Variants in LINGO2 observed in about 807,000 individuals in gnomAD.
LINGO2 encodes the protein leucine rich repeat and Ig domain containing 2, also known as leucine-rich repeat and immunoglobulin-like domain-containing nogo receptor-interacting protein 2.
A neutral mutation model predicts 30.6 loss-of-function variants in LINGO2; 14 were observed. The observed-to-expected ratio is 0.46, with a 90% CI of 0.30 to 0.72. LINGO2 has a LOEUF of 0.72. Among genes scored for constraint, LINGO2 ranks in the 30% least tolerant of loss-of-function variants. LINGO2 has a pLI of 0.07. For missense variants in LINGO2, 729 were observed against 751.7 expected (o/e 0.97, Z 0.35); for synonymous variants, 317 against 288.5 (o/e 1.10, Z -1.00).
chr9:28,052,385 A>G (rs1824717342), intron 4 of LINGO2, among the ~76,000 whole-genome samples: 1 of 152,100 alleles, frequency 6.6e-6, no homozygotes, highest in African/African-American at 2.4e-5. Context: ...CACATTGCTC[A>G]CACCTTGTGG....
At chr9:28,657,336 T>C (rs1239664961) in intron 1 of LINGO2, among the ~76,000 whole-genome samples, 1 of 152,110 alleles carries the variant, frequency 6.6e-6, no homozygotes, top group African/African-American at 2.4e-5. Flanking sequence ...TAATTTTACA[T>C]CAAATGATTC....
chr9:28,638,799 T>C (rs1827420862), intron 1 of LINGO2, among the ~76,000 whole-genome samples: 1 of 152,110 alleles, frequency 6.6e-6, no homozygotes, highest in African/African-American at 2.4e-5. Context: ...TTTTGAAGGG[T>C]TTTTTGTATC....
At chr9:28,300,237 C>T (rs1330081825) in intron 3 of LINGO2, among the ~76,000 whole-genome samples, 2 of 151,604 alleles carry the variant, frequency 1.3e-5, no homozygotes, top group Admixed American at 1.3e-4. Flanking sequence ...TGCTGATGAA[C>T]ATTTTGTATG....
intron 3 of LINGO2, among the ~76,000 whole-genome samples, chr9:28,332,477 A>G (rs1825456366): frequency 6.6e-6 from 1 of 152,090 alleles, no homozygotes; most frequent in East Asian, 1.9e-4. Context: ...AGAGGCACAC[A>G]TATTTTGTGG....
intron 4 of LINGO2, among the ~76,000 whole-genome samples, chr9:28,152,397 TCTC>T (rs948093579): frequency 1.3e-5 from 2 of 152,036 alleles, no homozygotes; most frequent in African/African-American, 4.8e-5. Context: ...ACACTGAGGC[TCTC>T]CTCAGTTGCA....
At chr9:28,399,955 G>T (rs936172686) in intron 2 of LINGO2, among the ~76,000 whole-genome samples, 2 of 152,128 alleles carry the variant, frequency 1.3e-5, no homozygotes, top group Non-Finnish European at 1.5e-5. Flanking sequence ...TTGAAGTAGT[G>T]CTTAGTTTAT....
At chr9:28,569,114 T>C (rs1483390894) in intron 1 of LINGO2, among the ~76,000 whole-genome samples, 1 of 152,020 alleles carries the variant, frequency 6.6e-6, no homozygotes, top group Non-Finnish European at 1.5e-5. Flanking sequence ...AGAATGGCTA[T>C]TATCAGAAAG....
chr9:28,652,968 G>A (rs78993498), intron 1 of LINGO2, among the ~76,000 whole-genome samples: 2 of 151,898 alleles, frequency 1.3e-5, no homozygotes, highest in African/African-American at 4.8e-5. Context: ...TGATAGTAAG[G>A]ATATAGCTGA....
At chr9:28,217,543 A>G (rs1420057282) in intron 4 of LINGO2, among the ~76,000 whole-genome samples, 1 of 152,082 alleles carries the variant, frequency 6.6e-6, no homozygotes, top group African/African-American at 2.4e-5. Context: ...ACCATAGAAA[A>G]GACACTTTTT....
At chr9:28,195,880 A>G (rs923120827) in intron 4 of LINGO2, among the ~76,000 whole-genome samples, 2 of 151,944 alleles carry the variant, frequency 1.3e-5, no homozygotes, top group African/African-American at 4.8e-5. Flanking sequence ...TATTGTATCA[A>G]TGTAAAGGTT....
intron 3 of LINGO2, among the ~76,000 whole-genome samples, chr9:28,335,912 C>T (rs1404656940): frequency 5.3e-5 from 8 of 151,968 alleles, no homozygotes; most frequent in African/African-American, 7.2e-5. Context: ...TCCAGGTTTT[C>T]GTGCTAACAT....
At chr9:28,779,073 A>G in the LINGO2 span, among the ~76,000 whole-genome samples, 1 of 152,178 alleles carries the variant, frequency 6.6e-6, no homozygotes, top group East Asian at 1.9e-4. Context: ...TGTGCTTTAA[A>G]ACTTACAAAT....
chr9:29,039,884 T>C, the LINGO2 span, among the ~76,000 whole-genome samples: 11 of 152,126 alleles, frequency 7.2e-5, no homozygotes, highest in Non-Finnish European at 1.5e-4. Context: ...ATAGTAATTA[T>C]TGGCAGTTAC....
At chr9:28,377,410 C>T (rs1052008721) in intron 2 of LINGO2, among the ~76,000 whole-genome samples, 8 of 152,138 alleles carry the variant, frequency 5.3e-5, no homozygotes, top group Non-Finnish European at 8.8e-5. Context: ...AAAAATACAG[C>T]ATACAATACA....
At chr9:28,616,760 G>A (rs774338206) in intron 1 of LINGO2, among the ~76,000 whole-genome samples, 1 of 152,154 alleles carries the variant, frequency 6.6e-6, no homozygotes, top group African/African-American at 2.4e-5. Flanking sequence ...CAGAAACAAA[G>A]AATGAAATTA....
chr9:28,045,156 C>G (rs545773467), intron 4 of LINGO2, among the ~76,000 whole-genome samples: 1 of 152,020 alleles, frequency 6.6e-6, no homozygotes, highest in South Asian at 2.1e-4. Context: ...GGTCCATTCC[C>G]ACCACTACCC....
At chr9:27,981,770 G>C in intron 5 of LINGO2, among the ~76,000 whole-genome samples, 1 of 151,554 alleles carries the variant, frequency 6.6e-6, no homozygotes, top group Non-Finnish European at 1.5e-5. Context: ...TGACCCTAAA[G>C]CCTTCTGAGA....
the LINGO2 span, among the ~76,000 whole-genome samples, chr9:29,181,391 A>G: frequency 6.6e-6 from 1 of 152,212 alleles, no homozygotes; most frequent in Admixed American, 6.5e-5. Context: ...TCACTTACGT[A>G]TCATCAAAGT....
At chr9:28,662,190 C>G (rs1828610450) in intron 1 of LINGO2, among the ~76,000 whole-genome samples, 1 of 152,104 alleles carries the variant, frequency 6.6e-6, no homozygotes, top group South Asian at 2.1e-4. Flanking sequence ...CTAGGTGTCA[C>G]ACAACAGTAG....
Sources: allele counts gnomAD v4.1 joint callset (sites outside exome capture counted in the v4.1 genomes callset), GRCh38; gene constraint gnomAD v4.1.1; transcripts MANE v1.5; gene names NCBI Gene and HGNC (gene_info 2026-07-23, HGNC 2026-07-21).